NKAIN3: variants seen among roughly 807,000 people sequenced by gnomAD.
NKAIN3 encodes sodium/potassium transporting ATPase interacting 3.
NKAIN3 carries 25 observed loss-of-function variants against 30.2 expected under a neutral mutation model. The ratio of observed to expected loss-of-function variants is 0.83; its 90% CI spans 0.60 to 1.16. NKAIN3 has a LOEUF of 1.16. Ranked by LOEUF, NKAIN3 falls within the 50% of genes most tolerant of loss-of-function variation. NKAIN3 has a pLI of 0.00. For synonymous variants in NKAIN3, 91 were observed against 89.6 expected (o/e 1.02, Z -0.09); for missense variants, 225 against 254.1 (o/e 0.89, Z 0.78).
intron 3 of NKAIN3, among the ~76,000 whole-genome samples, chr8:62,720,134 G>C (rs538902623): frequency 1.6e-4 from 24 of 152,248 alleles, no homozygotes; most frequent in Non-Finnish European, 2.9e-4. Flanking sequence ...ATGTAGGATT[G>C]TGTCAAAATG....
At chr8:62,747,532 A>G (rs989712718) in intron 4 of NKAIN3, among the ~76,000 whole-genome samples, 4 of 152,144 alleles carry the variant, frequency 2.6e-5, no homozygotes, top group Non-Finnish European at 4.4e-5. Flanking sequence ...GGTCTAATAA[A>G]CCTGACATTT....
At chr8:62,856,371 A>G in intron 4 of NKAIN3, 1 of 841,532 alleles carries the variant, frequency 1.2e-6, no homozygotes, top group Non-Finnish European at 2.1e-6. Context: ...CTTGGAGTGA[A>G]CCTTCTAGTT....
intron 1 of NKAIN3, among the ~76,000 whole-genome samples, chr8:62,325,175 C>T (rs1815074271): frequency 6.6e-6 from 1 of 152,164 alleles, no homozygotes; most frequent in Non-Finnish European, 1.5e-5. Flanking sequence ...TTATATCATT[C>T]TTATGCCTTT....
intron 1 of NKAIN3, among the ~76,000 whole-genome samples, chr8:62,468,777 G>A (rs1051282668): frequency 2.6e-5 from 4 of 152,048 alleles, no homozygotes; most frequent in Admixed American, 2.0e-4. Context: ...TTAATGTCAT[G>A]TTTATGTTTC....
chr8:62,606,348 G>A (rs1811131015), intron 3 of NKAIN3, among the ~76,000 whole-genome samples: 1 of 152,044 alleles, frequency 6.6e-6, no homozygotes. Flanking sequence ...TCCTTTTGAG[G>A]TTATCTGTAA....
intron 5 of NKAIN3, among the ~76,000 whole-genome samples, chr8:62,933,681 G>T (rs908266967): frequency 7.2e-5 from 11 of 152,166 alleles, no homozygotes; most frequent in African/African-American, 2.4e-4. Context: ...TCAGCACTGA[G>T]TATGAGAAAC....
chr8:62,856,592 C>A, intron 4 of NKAIN3: 1 of 781,452 alleles, frequency 1.3e-6, no homozygotes, highest in African/African-American at 1.7e-5. Flanking sequence ...TGGTGAACAG[C>A]ATGATCTTGT....
At chr8:62,524,329 A>G (rs995093723) in intron 1 of NKAIN3, among the ~76,000 whole-genome samples, 3 of 152,118 alleles carry the variant, frequency 2.0e-5, no homozygotes, top group Non-Finnish European at 4.4e-5. Flanking sequence ...TGATTTGTCT[A>G]AAGATTCATG....
chr8:62,255,150 C>T (rs1229476387), intron 1 of NKAIN3, among the ~76,000 whole-genome samples: 1 of 151,918 alleles, frequency 6.6e-6, no homozygotes, highest in Admixed American at 6.6e-5. Flanking sequence ...GCATTAAAAC[C>T]AGGAAATTTG....
chr8:62,840,500 C>T (rs1321938559), intron 4 of NKAIN3, among the ~76,000 whole-genome samples: 1 of 151,096 alleles, frequency 6.6e-6, no homozygotes, highest in Admixed American at 6.6e-5. Context: ...CTGCTCTCTA[C>T]ATTTTTGTGC....
chr8:62,870,585 CAT>C (rs1417329546), intron 4 of NKAIN3, among the ~76,000 whole-genome samples: 2 of 132,594 alleles, frequency 1.5e-5, no homozygotes, highest in Non-Finnish European at 1.6e-5. Context: ...ATATATAGTA[CAT>C]ATATATACAA....
At chr8:62,331,162 C>G (rs75511435) in intron 1 of NKAIN3, among the ~76,000 whole-genome samples, 7 of 148,202 alleles carry the variant, frequency 4.7e-5, no homozygotes, top group South Asian at 2.2e-4. Flanking sequence ...CTTCCTCCCC[C>G]CCAAAGCCCT....
In NKAIN3 at chr8:62,736,497, G is replaced by A. The variant is rs749523517; in HGVS notation, c.274-10435G>A. 3.9e-5 allele frequency among the ~76,000 whole-genome samples: 6 copies of A among 152,108 alleles called. No homozygotes were observed. In the East Asian group the frequency reaches 5.8e-4, roughly 15 times the overall value. On this transcript the variant is annotated intron_variant, in intron 3 of 6. Transcript: ENST00000623646. ...GTGACAGGCCTCACTCAGCTCCCAC[G>A]CAGCACCAAAGCCCCGACTCACTCT... is the stretch of plus-strand genomic sequence containing the variant.
At chr8:62,481,914 T>A (rs1272363602) in intron 1 of NKAIN3, among the ~76,000 whole-genome samples, 1 of 152,204 alleles carries the variant, frequency 6.6e-6, no homozygotes, top group Non-Finnish European at 1.5e-5. Flanking sequence ...ATCTATGCTG[T>A]GAATGGTGGT....
chr8:62,534,972 T>G (rs545807142), intron 1 of NKAIN3, among the ~76,000 whole-genome samples: 1 of 152,090 alleles, frequency 6.6e-6, no homozygotes, highest in South Asian at 2.1e-4. Context: ...AATAACTCTA[T>G]CCATTGCAGA....
chr8:62,846,398 T>C (rs914134385), intron 4 of NKAIN3, among the ~76,000 whole-genome samples: 1 of 152,108 alleles, frequency 6.6e-6, no homozygotes, highest in Non-Finnish European at 1.5e-5. Flanking sequence ...TGTGCCATGA[T>C]GGTTTACTGT....
chr8:62,249,891 A>G (rs1812044809), intron 1 of NKAIN3, among the ~76,000 whole-genome samples: 1 of 152,164 alleles, frequency 6.6e-6, no homozygotes, highest in African/African-American at 2.4e-5. Flanking sequence ...GAGCAGAGCA[A>G]ATGCTCCTCT....
intron 5 of NKAIN3, among the ~76,000 whole-genome samples, chr8:62,934,259 T>C (rs1822714337): frequency 6.6e-6 from 1 of 151,364 alleles, no homozygotes; most frequent in Non-Finnish European, 1.5e-5. Flanking sequence ...GGTGTGCTGG[T>C]GCTTGCTGCT....
In NKAIN3 at chr8:62,978,283, G is replaced by T. The variant is rs1434825559; in HGVS notation, c.*12876G>T. 6.6e-6 allele frequency: 1 copy of T among 152,488 alleles called. No homozygotes were observed. Among genetic ancestry groups the T allele is most frequent in the Non-Finnish European group, 1.5e-5 (1 of 68,250 alleles). 9.4% of individuals were successfully genotyped at this position (152,488 alleles called of 1,614,324 possible). On this transcript the variant is annotated 3_prime_UTR_variant, in exon 7 of 7. Transcript: ENST00000623646. ...CTGCTCTCTTCAGAGCTGGCAGGTGGGAATGTTTAAGTCTGCTGAAGCTGC... is the reference window on the plus strand; with the variant it reads ...CTGCTCTCTTCAGAGCTGGCAGGTGTGAATGTTTAAGTCTGCTGAAGCTGC...
Sources: gnomAD v4.1 joint callset for allele counts (sites outside exome capture counted in the v4.1 genomes callset) on GRCh38, gnomAD v4.1.1 for gene constraint, MANE v1.5 for transcripts, NCBI Gene and HGNC (gene_info 2026-07-23, HGNC 2026-07-21) for gene names.